The following B4GALNT3 variants were observed in gnomAD, a reference collection of about 807,000 sequenced individuals.
B4GALNT3 encodes the protein beta-1,4-N-acetylgalactosaminyltransferase 3.
A neutral mutation model predicts 120.2 loss-of-function variants in B4GALNT3; 86 were observed. That is an observed-to-expected ratio of 0.72 (90% confidence interval 0.60 to 0.86). The LOEUF is 0.86. B4GALNT3 is among the 40% of genes least tolerant of loss of function. The pLI is 0.00. For missense variants in B4GALNT3, 1,167 were observed against 1,298.9 expected (o/e 0.90, Z 1.56); for synonymous variants, 518 against 510.4 (o/e 1.01, Z -0.20).
chr12:536,938 T>C (rs1042505963), intron 3 of B4GALNT3, among the ~76,000 whole-genome samples: 3 of 152,238 alleles, frequency 2.0e-5, no homozygotes, highest in Admixed American at 1.3e-4. Flanking sequence ...CATAAGATAT[T>C]CCAGGAAGAA....
chr12:545,746 G>T (rs1352148906), intron 6 of B4GALNT3, among the ~76,000 whole-genome samples: 2 of 140,198 alleles, frequency 1.4e-5, no homozygotes, highest in Non-Finnish European at 3.1e-5. Context: ...CGAGGAGTGG[G>T]GAGGAGTGAG....
At chr12:532,488 A>T (rs1258305266) in intron 1 of B4GALNT3, among the ~76,000 whole-genome samples, 1 of 152,238 alleles carries the variant, frequency 6.6e-6, no homozygotes, top group Non-Finnish European at 1.5e-5. Flanking sequence ...CTCTGAATAC[A>T]GCAGCAATGA....
chr12:507,724 A>G (rs553308945), intron 1 of B4GALNT3, among the ~76,000 whole-genome samples: 1 of 152,378 alleles, frequency 6.6e-6, no homozygotes, highest in Non-Finnish European at 1.5e-5. Flanking sequence ...GAAAAGCACT[A>G]GGTAGCAGCA....
rs138232868 is a variant in B4GALNT3 at position 545,448 on chromosome 12, G to A, written c.618G>A (p.Gln206=). 69 of 1,608,066 alleles carry A rather than the reference G, an allele frequency of 4.3e-5. No individual in the cohort carries two copies. In the African/African-American group the frequency reaches 8.7e-4, roughly 20 times the overall value. ...TCGATGACCAGGTCTCAGGCCTCCA[G>A]CTGCTGGCCAGTGTGGGCAAGGTAA... ...LSLDDQVSGL[Q]LLASVGKTGK... The change falls in exon 6 of 20, where the codon CAG becomes CAA. Residue 206 remains glutamine (Q), a synonymous_variant. Coordinates refer to ENST00000266383, the MANE Select transcript of B4GALNT3 (RefSeq NM_173593.4).
rs1479403477 is a variant in B4GALNT3 at position 511,870 on chromosome 12, TCCAC to T, written c.170-23294_170-23291del. Among the ~76,000 whole-genome samples the T allele has an allele frequency of 3.4e-4, 11 of 32,346 alleles. 1 individual carries two copies. The highest frequency in any genetic ancestry group is 1.5e-3 in the African/African-American group (9 of 6,146). The allele number at this position is 32,346 out of a possible 152,430, so 21.2% of individuals were successfully genotyped here. ...TTCCACCTTCCACCTTCTTCCACCT[TCCAC>T]CTTCCACCTTCTTCCACCTTCCACC... On this transcript the variant is annotated intron_variant, in intron 1 of 19. Coordinates refer to ENST00000266383, the MANE Select transcript of B4GALNT3 (RefSeq NM_173593.4).
chr12:545,037 CATAAG>C (rs1946975105), intron 5 of B4GALNT3, 65 bp downstream of exon 5: 3 of 1,583,952 alleles, frequency 1.9e-6, no homozygotes, highest in South Asian at 2.3e-5. Flanking sequence ...ACCCAAAGAA[CATAAG>C]ATAAGGTTAT....
chr12:535,276 G>C lies in B4GALNT3; in HGVS notation c.273+7G>C. On this transcript the variant is annotated splice_region_variant and intron_variant, in intron 2 of 19. Coordinates refer to ENST00000266383, the MANE Select transcript of B4GALNT3 (RefSeq NM_173593.4). ...CCAGAGGCTGAGCCTCGAGGTAGGT[G>C]ACCAGCCAGTCCATTGTCCCTGCTG... The C allele has an allele frequency of 1.2e-6, 2 of 1,611,490 alleles. No homozygotes were observed. The highest frequency in any genetic ancestry group is 1.7e-6 in the Non-Finnish European group (2 of 1,178,692).
At chr12:525,171 T>C (rs2120634065) in intron 1 of B4GALNT3, among the ~76,000 whole-genome samples, 1 of 152,064 alleles carries the variant, frequency 6.6e-6, no homozygotes, top group South Asian at 2.1e-4. Context: ...TGCAGTGGTG[T>C]GATCTCGGCT....
At chr12:555,728 A>G (rs1174568767) in intron 14 of B4GALNT3, among the ~76,000 whole-genome samples, 6 of 151,950 alleles carry the variant, frequency 3.9e-5, no homozygotes, top group East Asian at 3.8e-4. Context: ...CAATTTTTCT[A>G]CATCCTTATC....
intron 1 of B4GALNT3, among the ~76,000 whole-genome samples, chr12:467,439 G>A (rs1325862179): frequency 1.3e-5 from 2 of 152,100 alleles, no homozygotes; most frequent in African/African-American, 4.8e-5. Context: ...TGTGCCTGTA[G>A]TCCCAGCTAC....
chr12:526,189 TCA>T (rs1167662207), intron 1 of B4GALNT3, among the ~76,000 whole-genome samples: 12 of 152,174 alleles, frequency 7.9e-5, no homozygotes, highest in African/African-American at 2.9e-4. Context: ...TTTCTATGTA[TCA>T]CAGCGGGTAG....
Position 552,140 on chromosome 12 carries a change from G to A in B4GALNT3, c.1185G>A (p.Gln395=), listed in dbSNP as rs371147701. The part of the protein sequence containing the change: ...HMETHNKCFY[Q]ENAYYQDRFS... Reference sequence around the variant, plus strand: ...AGACCCACAATAAATGTTTCTACCAGGAAAACGCCTACTACCAAGACCGGT... The same window carrying A: ...AGACCCACAATAAATGTTTCTACCAAGAAAACGCCTACTACCAAGACCGGT... The change falls in exon 12 of 20, where the codon CAG becomes CAA. Residue 395 remains glutamine (Q), a synonymous_variant. Transcript: ENST00000266383. 2.3e-5 allele frequency: 37 copies of A among 1,611,800 alleles called. No individual in the cohort carries two copies. The highest frequency in any genetic ancestry group is 2.5e-5 in the Non-Finnish European group (29 of 1,178,080).
Position 544,432 on chromosome 12 carries a change from C to G in B4GALNT3, c.445C>G (p.His149Asp), listed in dbSNP as rs538815093. Residue 149 changes from histidine to aspartate, a missense_variant and splice_region_variant, in exon 4 of 20, where the codon CAT (histidine) becomes GAT (aspartate). This residue lies in a region of B4GALNT3 where 13 missense variants were observed against 35.1 expected (regional missense o/e 0.37). Transcript: ENST00000266383. ...GAACCTGCATTTCCCACTGTACCCC[C>G]ATGTGAGTGCCTGAGGGCTGCCTTG... ...RRNLHFPLYP[H>D]IRTTLRKLAV... 1 of 1,613,650 alleles carries G rather than the reference C, an allele frequency of 6.2e-7. No homozygotes were observed. The highest frequency in any genetic ancestry group is 1.1e-5 in the South Asian group (1 of 91,088).
chr12:547,881 G>A (rs189293968), intron 7 of B4GALNT3, 143 bp from the exon 8 acceptor site: 59 of 687,394 alleles, frequency 8.6e-5, no homozygotes, highest in African/African-American at 8.1e-4. Context: ...GTGGGGGCTC[G>A]AACCTAGGCA....
intron 1 of B4GALNT3, among the ~76,000 whole-genome samples, chr12:505,063 T>C (rs1226755194): frequency 6.6e-6 from 1 of 151,890 alleles, no homozygotes; most frequent in Non-Finnish European, 1.5e-5. Flanking sequence ...GCTAATGTTT[T>C]CTGTATTTTT....
intron 1 of B4GALNT3, among the ~76,000 whole-genome samples, chr12:471,719 A>AT (rs1358668934): frequency 3.2e-4 from 15 of 46,904 alleles, no homozygotes; most frequent in South Asian, 7.9e-4. Flanking sequence ...AATAATAATA[A>AT]AAAATAAATA....
chr12:460,478 G>A lies in B4GALNT3; in HGVS notation c.102G>A (p.Val34=). 6.3e-7 allele frequency: 1 copy of A among 1,587,480 alleles called. No individual in the cohort carries two copies. The highest frequency in any genetic ancestry group is 8.6e-7 in the Non-Finnish European group (1 of 1,168,166). ...RLLLALAVVS[V]GLWTLYLELV... ...TGCTGGCGCTCGCCGTGGTGTCTGT[G>A]GGGCTCTGGACTCTGTATCTGGAAC... is the stretch of plus-strand genomic sequence containing the variant. The change falls in exon 1 of 20, where the codon GTG becomes GTA. Residue 34 remains valine, a synonymous_variant. Transcript: ENST00000266383. This position sits in a 1 kb window ranked among gnomAD's most constrained non-coding sequence, Gnocchi z 8.0.
intron 3 of B4GALNT3, among the ~76,000 whole-genome samples, chr12:543,891 C>T (rs1217580986): frequency 1.6e-5 from 2 of 126,474 alleles, no homozygotes; most frequent in East Asian, 2.6e-4. Context: ...GCTCATCTTC[C>T]TGGAGCTGAG....
At chr12:535,076 C>T (rs1044171900) in intron 1 of B4GALNT3, 90 bp from the exon 2 acceptor site, 58 of 1,048,400 alleles carry the variant, frequency 5.5e-5, no homozygotes, top group South Asian at 2.6e-4. Context: ...GAAGGGAAGA[C>T]GGTTCCCTCC....
Sources: gnomAD v4.1 joint callset for allele counts (sites outside exome capture counted in the v4.1 genomes callset) on GRCh38, gnomAD v4.1.1 for gene constraint, gnomAD v4.1.1 regional missense constraint, Gnocchi (gnomAD v3.1) non-coding constraint, MANE v1.5 for transcripts, NCBI Gene and HGNC (gene_info 2026-07-23, HGNC 2026-07-21) for gene names.